The following C11orf21 variants were observed in gnomAD, a reference collection of about 807,000 sequenced individuals.
C11orf21 encodes chromosome 11 open reading frame 21.
In C11orf21, 19 loss-of-function variants were observed where a neutral mutation model predicts 15.2. The ratio of observed to expected loss-of-function variants is 1.25; its 90% CI spans 0.87 to 1.84. C11orf21 has a LOEUF of 1.84. Among genes scored for constraint, C11orf21 ranks in the 40% most tolerant of loss-of-function variants. The pLI, the probability that C11orf21 is intolerant of heterozygous loss-of-function variation, is 0.00. For synonymous variants in C11orf21, 62 were observed against 66.8 expected (o/e 0.93, Z 0.35); for missense variants, 171 against 174.4 (o/e 0.98, Z 0.11).
At position 2,300,681 on chromosome 11, in the gene C11orf21, G is replaced by C. The variant is rs747921846; in HGVS notation, c.54-68C>G. The C allele has an allele frequency of 1.2e-5, 18 of 1,549,992 alleles. No homozygotes were observed. The East Asian group carries it at 4.2e-4, about 36-fold the overall frequency. Reference sequence around the variant, plus strand: ...GCCCGCCCTGCTCCGAAATTCTTCAGACCTGATGAAGAGGTGTCCCAGAAG... The same window carrying C: ...GCCCGCCCTGCTCCGAAATTCTTCACACCTGATGAAGAGGTGTCCCAGAAG... On this transcript the variant is annotated intron_variant, in intron 1 of 3. Transcript: ENST00000381153.
At chr11:2,302,599 T>C (rs113776487), upstream of C11orf21, 1 of 562,356 alleles carries the variant, frequency 1.8e-6, no homozygotes. Context: ...AGGTCCTGGG[T>C]GTCTGGGGAA....
chr11:2,299,158 G>A (rs1029867760), intron 3 of C11orf21, among the ~76,000 whole-genome samples: 11 of 152,200 alleles, frequency 7.2e-5, no homozygotes, highest in African/African-American at 1.7e-4. Flanking sequence ...CAGGCCTAGG[G>A]TAATCCAGAA....
chr11:2,298,891 T>TG (rs563366399), intron 3 of C11orf21, among the ~76,000 whole-genome samples: 28,888 of 151,636 alleles, frequency 0.19, 2,878 homozygotes, highest in African/African-American at 0.26. Flanking sequence ...CTAGGCTCCT[T>TG]GGGGGGGGAA....
chr11:2,302,179 CA>C, upstream of C11orf21: 1 of 1,346,868 alleles, frequency 7.4e-7, no homozygotes, highest in Non-Finnish European at 9.6e-7. Flanking sequence ...TCAGGGTTGC[CA>C]AATGCCAGAT....
In C11orf21 at chr11:2,300,360, G is replaced by A. The variant is rs896579779; in HGVS notation, c.147+160C>T. On this transcript the variant is annotated intron_variant, in intron 2 of 3. Coordinates refer to ENST00000381153, the MANE Select transcript of C11orf21 (RefSeq NM_001329958.2). ...TGTGCGGGGTGGGCAGGAGGGTGTG[G>A]GGTGGGCAGCAGCCTGCACAGTGGC... Among the ~76,000 whole-genome samples the A allele has an allele frequency of 1.2e-4, 18 of 150,380 alleles. No individual in the cohort carries two copies. The East Asian group carries it at 3.2e-3, about 27-fold the overall frequency.
Position 2,296,952 on chromosome 11 carries a change from G to A in C11orf21, c.*998C>T, listed in dbSNP as rs147661748. 9 of 152,454 alleles carry A rather than the reference G, an allele frequency of 5.9e-5. No homozygotes were observed. Among genetic ancestry groups the A allele is most frequent in the Non-Finnish European group, 1.0e-4 (7 of 68,116 alleles). 9.4% of individuals were successfully genotyped at this position (152,454 alleles called of 1,614,324 possible). On this transcript the variant is annotated 3_prime_UTR_variant, in exon 4 of 4. Transcript: ENST00000381153. This position sits in a 1 kb window ranked among gnomAD's most constrained non-coding sequence, Gnocchi z 5.6. ...AACCACCCTAAGCAGAGATCACTCC[G>A]GCTGACGCAGGGGTGCGGCCCACAT...
chr11:2,300,154 G>C (rs1208583162), intron 2 of C11orf21, among the ~76,000 whole-genome samples: 2 of 54,206 alleles, frequency 3.7e-5, no homozygotes, highest in African/African-American at 1.6e-4. Context: ...TGTGGGGTGG[G>C]CAGGGGCATG....
chr11:2,301,429 C>T (rs1254104341), intron 1 of C11orf21: 8 of 256,222 alleles, frequency 3.1e-5, no homozygotes, highest in Non-Finnish European at 7.6e-6. Context: ...CTGCCCCCAC[C>T]CATACGTAAT....
chr11:2,300,753 T>C lies in C11orf21; in HGVS notation c.54-140A>G, dbSNP rs1270117016. 1.0e-5 allele frequency: 16 copies of C among 1,550,498 alleles called. No homozygotes were observed. In the Admixed American group the frequency reaches 3.1e-4, roughly 30 times the overall value. On this transcript the variant is annotated intron_variant, in intron 1 of 3. Coordinates refer to ENST00000381153, the MANE Select transcript of C11orf21 (RefSeq NM_001329958.2). ...CTCACCAGCTCCAGGGAGGTCAAGG[T>C]TGGAGAGAGACAATTCTAGGGGCGA...
intron 1 of C11orf21, 150 bp from the exon 2 acceptor site, chr11:2,300,763 A>G: frequency 1.3e-6 from 2 of 1,550,680 alleles, no homozygotes; most frequent in Non-Finnish European, 1.7e-6. Context: ...TTGGAGAGAG[A>G]CAATTCTAGG....
intron 1 of C11orf21, 69 bp from the exon 2 acceptor site, chr11:2,300,682 A>T (rs1465366081): frequency 1.3e-6 from 2 of 1,550,024 alleles, no homozygotes; most frequent in Non-Finnish European, 1.7e-6. Flanking sequence ...AATTCTTCAG[A>T]CCTGATGAAG....
rs1449010889 is a variant in C11orf21, at chr11:2,301,798, G to C, written c.11C>G (p.Thr4Ser). The C allele has an allele frequency of 6.4e-7, 1 of 1,550,416 alleles. No individual in the cohort carries two copies. The highest frequency in any genetic ancestry group is 8.7e-7 in the Non-Finnish European group (1 of 1,146,898). ...CCGTCTCCTCCACATCCCACACCAGGTCCTGCCCATGACTTTCCCCCTCTC... is the reference window on the plus strand; with the variant it reads ...CCGTCTCCTCCACATCCCACACCAGCTCCTGCCCATGACTTTCCCCCTCTC... MGR[T>S]WCGMWRRRRP... Residue 4 changes from threonine to serine, a missense_variant, in exon 1 of 4, where the codon ACC becomes AGC. By Grantham distance (58) the Thr-to-Ser change is moderately conservative. Coordinates refer to ENST00000381153, the MANE Select transcript of C11orf21 (RefSeq NM_001329958.2).
intron 1 of C11orf21, 126 bp from the exon 2 acceptor site, chr11:2,300,739 C>T: frequency 6.4e-7 from 1 of 1,550,986 alleles, no homozygotes; most frequent in East Asian, 2.4e-5. Flanking sequence ...TCACCAGCTC[C>T]AGGGAGGTCA....
In C11orf21 at chr11:2,301,832, C is replaced by T. The variant is rs1187425883; in HGVS notation, c.-24G>A. On this transcript the variant is annotated 5_prime_UTR_variant, in exon 1 of 4. Transcript: ENST00000381153. The stretch of plus-strand genomic sequence containing the variant: ...ATGACTTTCCCCCTCTCAGCGCCGT[C>T]CTCAGTGGCCACACCAAGAACGAGG... 2.5e-5 allele frequency: 38 copies of T among 1,550,802 alleles called. No homozygotes were observed. Among genetic ancestry groups the T allele is most frequent in the Non-Finnish European group, 3.1e-5 (36 of 1,146,960 alleles).
intron 3 of C11orf21, among the ~76,000 whole-genome samples, 200 bp from the exon 4 acceptor site, chr11:2,298,121 A>G (rs148956256): frequency 6.6e-6 from 1 of 152,190 alleles, no homozygotes; most frequent in African/African-American, 2.4e-5. Flanking sequence ...GATTCTGTCC[A>G]TAGCGAACAC....
upstream of C11orf21, chr11:2,302,946 G>A (rs962413702): frequency 6.2e-7 from 1 of 1,613,462 alleles, no homozygotes; most frequent in Non-Finnish European, 8.5e-7. Flanking sequence ...GTACCAGGCT[G>A]TGCACCAATG....
At position 2,301,228 on chromosome 11, in the gene C11orf21, T is replaced by C. The variant is rs188713804; in HGVS notation, c.53+528A>G. ...GCAGGTCTTGGGGCCCCCTCCCCCT[T>C]GATGAGGTCCTGACCAAATGCAGGA... On this transcript the variant is annotated intron_variant, in intron 1 of 3. Transcript: ENST00000381153. The C allele has an allele frequency of 1.5e-3, 364 of 236,294 alleles. 2 individuals are homozygous for C. Among genetic ancestry groups the C allele is most frequent in the African/African-American group, 8.1e-3 (352 of 43,608 alleles). 14.6% of individuals were successfully genotyped at this position (236,294 alleles called of 1,614,324 possible).
chr11:2,299,417 C>G lies in C11orf21; in HGVS notation c.*28+11G>C, dbSNP rs568456797. 1.4e-4 allele frequency: 213 copies of G among 1,544,652 alleles called. No individual in the cohort carries two copies. The highest frequency in any genetic ancestry group is 1.8e-4 in the Non-Finnish European group (208 of 1,143,524). On this transcript the variant is annotated intron_variant, in intron 3 of 3. Transcript: ENST00000381153. ...GCCCCCAGGCTCCAGCCTCAGAGCCCGGCTGCTCACCTCTGATGGACAGAA... is the reference window on the plus strand; with the variant it reads ...GCCCCCAGGCTCCAGCCTCAGAGCCGGGCTGCTCACCTCTGATGGACAGAA...
At chr11:2,300,148 G>C (rs1847657595) in intron 2 of C11orf21, among the ~76,000 whole-genome samples, 1 of 67,296 alleles carries the variant, frequency 1.5e-5, no homozygotes, top group Middle Eastern at 6.3e-3. Flanking sequence ...GGGGTGTGTG[G>C]GGTGGGCAGG....
Sources: gnomAD v4.1 joint callset for allele counts (sites outside exome capture counted in the v4.1 genomes callset) on GRCh38, gnomAD v4.1.1 for gene constraint, Gnocchi (gnomAD v3.1) non-coding constraint, MANE v1.5 for transcripts, NCBI Gene and HGNC (gene_info 2026-07-23, HGNC 2026-07-21) for gene names.